Variants in NAV2 observed in about 807,000 individuals in gnomAD.
The protein encoded by NAV2 is helicase, APC down-regulated 1.
In NAV2, 54 loss-of-function variants were observed where a neutral mutation model predicts 223.2. That is an observed-to-expected ratio of 0.24 (90% confidence interval 0.19 to 0.30). The LOEUF (loss-of-function observed/expected upper bound fraction) is 0.30, where lower values mean the gene tolerates loss of function less well. Among genes scored for constraint, NAV2 ranks in the 10% least tolerant of loss-of-function variants. The pLI is 1.00. For missense variants in NAV2, 2,806 were observed against 3,147.5 expected (o/e 0.89, Z 2.60); for synonymous variants, 1,279 against 1,239.3 (o/e 1.03, Z -0.67).
At chr11:19,944,224 C>T (rs541537983) in intron 8 of NAV2, among the ~76,000 whole-genome samples, 79 of 152,164 alleles carry the variant, frequency 5.2e-4, no homozygotes, top group African/African-American at 1.9e-3. Flanking sequence ...AAGAAAGAAA[C>T]AGAATTGCCA....
intron 1 of NAV2, among the ~76,000 whole-genome samples, chr11:19,669,553 C>T (rs1306469704): frequency 6.6e-6 from 1 of 152,228 alleles, no homozygotes; most frequent in Non-Finnish European, 1.5e-5. Flanking sequence ...TGTTTAAGTG[C>T]TAACTGTATG....
intron 1 of NAV2, among the ~76,000 whole-genome samples, chr11:19,467,010 C>CACACACACACACACACACACACACACAG (rs1564959991): frequency 1.2e-4 from 16 of 136,000 alleles, no homozygotes; most frequent in African/African-American, 4.2e-4. Flanking sequence ...CACACACACA[C>CACACACACACACACACACACACACACAG]ACACACACAG....
chr11:19,395,080 A>T (rs1849395831), intron 1 of NAV2, among the ~76,000 whole-genome samples: 1 of 152,196 alleles, frequency 6.6e-6, no homozygotes. Context: ...TTCACACAGT[A>T]TCTTGAAATC....
chr11:19,580,903 A>G (rs1422287330), intron 1 of NAV2, among the ~76,000 whole-genome samples: 1 of 152,220 alleles, frequency 6.6e-6, no homozygotes, highest in African/African-American at 2.4e-5. Context: ...CTCCCACAAG[A>G]ATGTGTAAGC....
intron 26 of NAV2, 53 bp downstream of exon 26, chr11:20,083,232 C>G: frequency 6.7e-7 from 1 of 1,484,234 alleles, no homozygotes; most frequent in Non-Finnish European, 9.2e-7. Flanking sequence ...GAACCTTCTC[C>G]AGTAGGAATG....
Position 19,713,529 on chromosome 11 carries a change from C to T in NAV2, c.-167C>T. The stretch of plus-strand genomic sequence containing the variant: ...CCCGGCACCCCAAAGGCGCGCTCGC[C>T]CGATTGCTTCGAGTTCCCCGACCTG... On this transcript the variant is annotated 5_prime_UTR_variant, in exon 1 of 38. Transcript: ENST00000349880. The surrounding 1 kb of genome is among the most constrained non-coding windows in gnomAD (Gnocchi z 7.2). 1 of 1,398,936 alleles carries T rather than the reference C, an allele frequency of 7.1e-7. No individual in the cohort carries two copies. Among genetic ancestry groups the T allele is most frequent in the Non-Finnish European group, 9.3e-7 (1 of 1,080,866 alleles). 86.7% of individuals were successfully genotyped at this position (1,398,936 alleles called of 1,614,324 possible).
At chr11:19,879,219 T>C (rs1479667714) in intron 4 of NAV2, among the ~76,000 whole-genome samples, 1 of 152,214 alleles carries the variant, frequency 6.6e-6, no homozygotes, top group Non-Finnish European at 1.5e-5. Flanking sequence ...ATTTTAACAT[T>C]GAAAAATACT....
chr11:19,826,966 A>G (rs1273774049), intron 1 of NAV2, among the ~76,000 whole-genome samples: 1 of 152,116 alleles, frequency 6.6e-6, no homozygotes, highest in Admixed American at 6.5e-5. Flanking sequence ...GTGGGAGTGG[A>G]AAGGTGGTGC....
intron 1 of NAV2, among the ~76,000 whole-genome samples, chr11:19,455,062 T>C (rs1429109332): frequency 6.6e-6 from 1 of 152,140 alleles, no homozygotes; most frequent in African/African-American, 2.4e-5. Flanking sequence ...TTCCAGGTAA[T>C]TCAGATGTAC....
At chr11:20,085,022 C>G (rs1338882391) in intron 26 of NAV2, among the ~76,000 whole-genome samples, 2 of 151,348 alleles carry the variant, frequency 1.3e-5, no homozygotes, top group Non-Finnish European at 2.9e-5. Flanking sequence ...GACTCTGTCT[C>G]TACAAAAAAA....
intron 1 of NAV2, among the ~76,000 whole-genome samples, chr11:19,578,129 C>A (rs2134987700): frequency 6.6e-6 from 1 of 152,346 alleles, no homozygotes; most frequent in Non-Finnish European, 1.5e-5. Context: ...CCAGCATTTC[C>A]TTTTGTGGCT....
intron 1 of NAV2, among the ~76,000 whole-genome samples, chr11:19,789,439 G>C (rs574735495): frequency 1.3e-5 from 2 of 152,316 alleles, no homozygotes; most frequent in Middle Eastern, 6.8e-3. Flanking sequence ...CTAAGAGACT[G>C]ATGCTATTTT....
chr11:19,912,844 A>G (rs1283114932), intron 6 of NAV2, among the ~76,000 whole-genome samples: 1 of 152,210 alleles, frequency 6.6e-6, no homozygotes, highest in East Asian at 1.9e-4. Context: ...ACTAGATTGA[A>G]CAGAACCTTT....
intron 25 of NAV2, among the ~76,000 whole-genome samples, chr11:20,081,576 G>T (rs12289456): frequency 0.08 from 12,199 of 152,164 alleles, 717 homozygotes; most frequent in African/African-American, 0.17. Context: ...AGGATTTCAG[G>T]TGATGGCTTG....
chr11:19,766,243 C>T (rs1331053365), intron 1 of NAV2, among the ~76,000 whole-genome samples: 5 of 152,082 alleles, frequency 3.3e-5, no homozygotes, highest in African/African-American at 9.7e-5. Context: ...CCGGTTGGCT[C>T]TGTGTAATGC....
At chr11:20,046,000 T>C (rs1424405544) in intron 14 of NAV2, among the ~76,000 whole-genome samples, 1 of 152,228 alleles carries the variant, frequency 6.6e-6, no homozygotes, top group Non-Finnish European at 1.5e-5. Flanking sequence ...TTTGTAAAGA[T>C]ACATCTTTGT....
intron 4 of NAV2, among the ~76,000 whole-genome samples, chr11:19,871,570 C>T (rs911821869): frequency 6.6e-6 from 1 of 152,096 alleles, no homozygotes; most frequent in African/African-American, 2.4e-5. Flanking sequence ...TCCCGGGGCA[C>T]TAGTGGTCTT....
intron 1 of NAV2, among the ~76,000 whole-genome samples, chr11:19,548,522 C>A (rs1236559782): frequency 6.6e-6 from 1 of 152,098 alleles, no homozygotes; most frequent in African/African-American, 2.4e-5. Context: ...AGCCCACAAC[C>A]AAAGCGTGTG....
At chr11:19,716,783 TA>T (rs1565197887) in intron 1 of NAV2, among the ~76,000 whole-genome samples, 1 of 152,186 alleles carries the variant, frequency 6.6e-6, no homozygotes. Flanking sequence ...GTAACAATAA[TA>T]ACAATGGTAA....
Sources: gnomAD v4.1 joint callset for allele counts (sites outside exome capture counted in the v4.1 genomes callset) on GRCh38, gnomAD v4.1.1 for gene constraint, Gnocchi (gnomAD v3.1) non-coding constraint, MANE v1.5 for transcripts, NCBI Gene and HGNC (gene_info 2026-07-23, HGNC 2026-07-21) for gene names.